The following RIDA variants were observed in gnomAD, a reference collection of about 807,000 sequenced individuals.
RIDA encodes the protein reactive intermediate imine deaminase A, also known as 2-iminobutanoate/2-iminopropanoate deaminase.
RIDA carries 17 observed loss-of-function variants against 17.8 expected under a neutral mutation model. The observed-to-expected ratio is 0.96, with a 90% CI of 0.65 to 1.43. The LOEUF is 1.43. Ranked by LOEUF, RIDA falls within the 40% of genes most tolerant of loss-of-function variation. The probability of loss-of-function intolerance (pLI) is 0.00; values close to 1 mark genes in which losing one functional copy is unlikely to be tolerated. For missense variants in RIDA, 158 were observed against 161.7 expected, an observed-to-expected ratio of 0.98 and a Z score of 0.12; for synonymous variants, 48 against 55.7, an observed-to-expected ratio of 0.86 and a Z score of 0.62.
intron 4 of RIDA, among the ~76,000 whole-genome samples, chr8:98,105,314 G>T (rs1815618577): frequency 6.6e-6 from 1 of 152,118 alleles, no homozygotes; most frequent in South Asian, 2.1e-4. Context: ...CTTCAGGAGA[G>T]AATAAGTAAC....
chr8:98,114,333 T>C (rs957289884), intron 1 of RIDA, among the ~76,000 whole-genome samples: 1 of 151,884 alleles, frequency 6.6e-6, no homozygotes, highest in Non-Finnish European at 1.5e-5. Flanking sequence ...AAATCTTTTT[T>C]TTTTTTTTTT....
intron 4 of RIDA, among the ~76,000 whole-genome samples, chr8:98,105,120 C>CAAAAAAAAAAAAAA (rs11354936): frequency 4.5e-5 from 4 of 88,058 alleles, no homozygotes; most frequent in Non-Finnish European, 6.4e-5. Context: ...AGCTTTCTGG[C>CAAAAAAAAAAAAAA]AAAAAAAAAA....
chr8:98,108,980 G>A (rs906130674), intron 1 of RIDA, among the ~76,000 whole-genome samples: 3 of 152,082 alleles, frequency 2.0e-5, no homozygotes, highest in Non-Finnish European at 4.4e-5. Context: ...CAGGAGGATC[G>A]CTTGGGACCA....
intron 5 of RIDA, among the ~76,000 whole-genome samples, chr8:98,103,137 G>C (rs1815583296): frequency 6.6e-6 from 1 of 152,148 alleles, no homozygotes; most frequent in South Asian, 2.1e-4. Context: ...CCCTATTAGA[G>C]ACGTATTTTC....
intron 1 of RIDA, 89 bp from the exon 2 acceptor site, chr8:98,108,840 T>TA (rs1276183162): frequency 1.5e-6 from 1 of 672,904 alleles, no homozygotes; most frequent in African/African-American, 2.5e-5. Context: ...CAGAGAAGTA[T>TA]AAATTGTAAA....
chr8:98,116,012 A>C (rs1405024214), intron 1 of RIDA, among the ~76,000 whole-genome samples: 12 of 152,152 alleles, frequency 7.9e-5, no homozygotes. Context: ...TATACCATGC[A>C]TTCTTCTACC....
chr8:98,111,044 C>T (rs960653202), intron 1 of RIDA, among the ~76,000 whole-genome samples: 2 of 152,152 alleles, frequency 1.3e-5, no homozygotes, highest in African/African-American at 4.8e-5. Flanking sequence ...TATAAATACT[C>T]GGGTTGTATC....
Position 98,117,080 on chromosome 8 carries a change from C to T in RIDA, c.17G>A (p.Arg6Lys). Residue 6 changes from arginine (R) to lysine (K), a missense_variant, in exon 1 of 6, where the codon AGA becomes AAA. By Grantham distance (26) the Arg-to-Lys change is conservative. Transcript: ENST00000254878. ...GGCTTTCGCGGTGCTGATCACCCTTCTGATCAAGGACGACATGGCTAAGCC... is the reference window on the plus strand; with the variant it reads ...GGCTTTCGCGGTGCTGATCACCCTTTTGATCAAGGACGACATGGCTAAGCC... MSSLIRRVISTAKAPG... is the reference protein window; with the variant it reads MSSLIKRVISTAKAPG... 1.2e-6 allele frequency: 2 copies of T among 1,614,200 alleles called. No homozygotes were observed. Among genetic ancestry groups the T allele is most frequent in the Non-Finnish European group, 1.7e-6 (2 of 1,179,996 alleles).
chr8:98,103,946 C>T (rs969357988), intron 5 of RIDA, among the ~76,000 whole-genome samples: 3 of 151,868 alleles, frequency 2.0e-5, no homozygotes, highest in African/African-American at 7.3e-5. Flanking sequence ...CCTTTTCTCA[C>T]AATTTAAGTA....
At position 98,102,700 on chromosome 8, in the gene RIDA, T is replaced by C; in HGVS notation, c.*142A>G. The C allele has an allele frequency of 1.7e-6, 1 of 589,344 alleles. No homozygotes were observed. Among genetic ancestry groups the C allele is most frequent in the Non-Finnish European group, 3.0e-6 (1 of 338,502 alleles). 36.5% of individuals were successfully genotyped at this position (589,344 alleles called of 1,614,324 possible). The stretch of plus-strand genomic sequence containing the variant: ...TTCATGTTCAACTCTCCCTATTACA[T>C]GGTATTTCCATAATAGCTTCAGATA... On this transcript the variant is annotated 3_prime_UTR_variant, in exon 6 of 6. Transcript: ENST00000254878.
At chr8:98,110,403 G>C (rs1259802857) in intron 1 of RIDA, among the ~76,000 whole-genome samples, 2 of 152,242 alleles carry the variant, frequency 1.3e-5, no homozygotes, top group African/African-American at 4.8e-5. Context: ...GGGATTACAG[G>C]TGTGAGCCAC....
chr8:98,104,385 G>C (rs189655202), intron 5 of RIDA, 104 bp downstream of exon 5: 2 of 811,814 alleles, frequency 2.5e-6, no homozygotes, highest in Admixed American at 4.0e-5. Flanking sequence ...CCCTGCCCAG[G>C]CTACTTCTTT....
At chr8:98,113,751 G>C (rs1416882372) in intron 1 of RIDA, 1 of 152,160 alleles carries the variant, frequency 6.6e-6, no homozygotes, top group Non-Finnish European at 1.5e-5. Context: ...CCAGGACAAA[G>C]TGTCTCTAAT....
At chr8:98,115,969 C>T (rs1009791814) in intron 1 of RIDA, among the ~76,000 whole-genome samples, 6 of 152,124 alleles carry the variant, frequency 3.9e-5, no homozygotes, top group Non-Finnish European at 4.4e-5. Context: ...AGAAGTAGCA[C>T]TTGAATTATG....
intron 1 of RIDA, among the ~76,000 whole-genome samples, chr8:98,115,416 G>GTA (rs1815795592): frequency 1.2e-5 from 1 of 84,792 alleles, no homozygotes; most frequent in African/African-American, 5.3e-5. Flanking sequence ...AAAAAAAAAA[G>GTA]GGATAGTGCC....
chr8:98,106,397 C>A, intron 2 of RIDA, 71 bp from the exon 3 acceptor site: 1 of 1,259,738 alleles, frequency 7.9e-7, no homozygotes, highest in South Asian at 1.2e-5. Flanking sequence ...TTCAATTAAT[C>A]ATCTTTTACT....
At chr8:98,108,296 C>T (rs1815662312) in intron 2 of RIDA, among the ~76,000 whole-genome samples, 2 of 149,652 alleles carry the variant, frequency 1.3e-5, no homozygotes, top group Admixed American at 6.7e-5. Flanking sequence ...CTTTTTACTT[C>T]TGTGGTGGTA....
At chr8:98,104,698 G>T (rs1315726646) in intron 4 of RIDA, among the ~76,000 whole-genome samples, 154 bp from the exon 5 acceptor site, 1 of 151,976 alleles carries the variant, frequency 6.6e-6, no homozygotes, top group African/African-American at 2.4e-5. Context: ...TCAGTTCTTA[G>T]ATATAAGCAA....
At chr8:98,104,118 G>T in intron 5 of RIDA, among the ~76,000 whole-genome samples, 2 of 136,668 alleles carry the variant, frequency 1.5e-5, no homozygotes, top group Admixed American at 7.8e-5. Context: ...AGGTCACACT[G>T]TTACCCAGGC....
Sources: allele counts gnomAD v4.1 joint callset (sites outside exome capture counted in the v4.1 genomes callset), GRCh38; gene constraint gnomAD v4.1.1; transcripts MANE v1.5; gene names NCBI Gene and HGNC (gene_info 2026-07-23, HGNC 2026-07-21).